Variants in SIM2 observed in about 807,000 individuals in gnomAD.
The protein encoded by SIM2 is single-minded homolog 2.
SIM2 carries 28 observed loss-of-function variants against 64.8 expected under a neutral mutation model. The observed-to-expected ratio is 0.43, with a 90% CI of 0.32 to 0.59. The LOEUF is 0.59. Among genes scored for constraint, SIM2 ranks in the 20% least tolerant of loss-of-function variants. The pLI is 0.07. For missense variants in SIM2, 847 were observed against 871.4 expected (o/e 0.97, Z 0.35); for synonymous variants, 408 against 391.1 (o/e 1.04, Z -0.51).
Position 36,745,136 on chromosome 21 carries a change from G to A in SIM2, c.1576G>A (p.Ala526Thr), listed in dbSNP as rs201126287. The change falls in exon 10 of 11, where the codon GCG (alanine) becomes ACG (threonine). Residue 526 changes from alanine (A) to threonine (T), a missense_variant and splice_region_variant. By Grantham distance (58) the Ala-to-Thr change is moderately conservative. Transcript: ENST00000290399. This position sits in a 1 kb window ranked among gnomAD's most constrained non-coding sequence, Gnocchi z 4.8. The part of the protein sequence containing the change: ...ARHSLVPSYE[A>T]PAAAVRRFGE... Reference sequence around the variant, plus strand: ...GCACAGCCTGGTGCCAAGCTACGAAGGTGGGTCAGGTCTGCTCGTGGGGAA... The same window carrying A: ...GCACAGCCTGGTGCCAAGCTACGAAAGTGGGTCAGGTCTGCTCGTGGGGAA... 2 of 1,607,690 alleles carry A rather than the reference G, an allele frequency of 1.2e-6. No individual in the cohort carries two copies. The highest frequency in any genetic ancestry group is 4.5e-5 in the East Asian group (2 of 44,680).
intron 1 of SIM2, among the ~76,000 whole-genome samples, chr21:36,700,489 T>TC (rs1047640708): frequency 3.3e-5 from 5 of 152,152 alleles, no homozygotes; most frequent in African/African-American, 1.2e-4. Context: ...TTGCTTTCTT[T>TC]CTTTCCCCAT....
chr21:36,738,865 A>G (rs1331817322), intron 7 of SIM2, among the ~76,000 whole-genome samples: 1 of 152,252 alleles, frequency 6.6e-6, no homozygotes, highest in Non-Finnish European at 1.5e-5. Context: ...GCTGAGATGC[A>G]GATGTTAAGC....
chr21:36,745,313 C>T lies in SIM2; in HGVS notation c.1576+177C>T, dbSNP rs963998955. On this transcript the variant is annotated intron_variant, in intron 10 of 10. Transcript: ENST00000290399. The surrounding 1 kb of genome is among the most constrained non-coding windows in gnomAD (Gnocchi z 4.8). ...TCTTGCTCTCAATGCAGGTGCTCCT[C>T]GAGAGTGAGAAATGGCAGTCTGCCT... The T allele has an allele frequency of 1.9e-5, 28 of 1,445,972 alleles. No homozygotes were observed. The highest frequency in any genetic ancestry group is 1.0e-4 in the East Asian group (4 of 39,656). 89.6% of individuals were successfully genotyped at this position (1,445,972 alleles called of 1,614,324 possible). A position where few individuals can be genotyped will look rare whatever the true frequency, so the allele number is the denominator to read the frequency against.
rs780571062 is a variant in SIM2 at position 36,744,857 on chromosome 21, A to C, written c.1297A>C (p.Thr433Pro). The C allele has an allele frequency of 6.2e-7, 1 of 1,614,204 alleles. No individual in the cohort carries two copies. Among genetic ancestry groups the C allele is most frequent in the South Asian group, 1.1e-5 (1 of 91,086 alleles). Residue 433 changes from threonine to proline, a missense_variant, in exon 10 of 11, where the codon ACG (threonine) becomes CCG (proline). This residue lies in a region of SIM2 where 447 missense variants were observed against 414.6 expected (regional missense o/e 1.08). Coordinates refer to ENST00000290399, the MANE Select transcript of SIM2 (RefSeq NM_005069.6). Reference sequence around the variant, plus strand: ...CTCAGAAAGCAGTGACCTTCTGTACACGCCATCCTACAGCCTGCCCTTCTC... The same window carrying C: ...CTCAGAAAGCAGTGACCTTCTGTACCCGCCATCCTACAGCCTGCCCTTCTC... ...PHSESSDLLY[T>P]PSYSLPFSYH...
Position 36,699,700 on chromosome 21 carries a change from C to A in SIM2, c.-47C>A, listed in dbSNP as rs753851125. ...CCGCCGCAGCCCGAGCGGGGCTCCG[C>A]GGGCCTGGAGCACGGCCGGGTCTAA... On this transcript the variant is annotated 5_prime_UTR_variant, in exon 1 of 11. Coordinates refer to ENST00000290399, the MANE Select transcript of SIM2 (RefSeq NM_005069.6). This position sits in a 1 kb window ranked among gnomAD's most constrained non-coding sequence, Gnocchi z 5.6. 4.4e-6 allele frequency: 7 copies of A among 1,582,208 alleles called. No homozygotes were observed. Among genetic ancestry groups the A allele is most frequent in the Non-Finnish European group, 5.1e-6 (6 of 1,165,350 alleles).
chr21:36,702,870 G>T (rs1024320718), intron 1 of SIM2, among the ~76,000 whole-genome samples: 1 of 149,922 alleles, frequency 6.7e-6, no homozygotes, highest in Admixed American at 6.7e-5. Context: ...TCTGCCAAGG[G>T]CGGTCTTGTC....
chr21:36,717,929 TAAATG>T (rs1253715791), intron 3 of SIM2, among the ~76,000 whole-genome samples: 2 of 152,200 alleles, frequency 1.3e-5, no homozygotes, highest in Non-Finnish European at 2.9e-5. Flanking sequence ...TTATTTTTCT[TAAATG>T]AAATCCTGTA....
At chr21:36,704,566 C>A (rs1480416048) in intron 1 of SIM2, among the ~76,000 whole-genome samples, 4 of 152,326 alleles carry the variant, frequency 2.6e-5, no homozygotes, top group African/African-American at 7.2e-5. Flanking sequence ...GCTGCAGATT[C>A]AGCGCGGGGC....
intron 7 of SIM2, among the ~76,000 whole-genome samples, chr21:36,738,864 C>T (rs2089113136): frequency 6.6e-6 from 1 of 152,256 alleles, no homozygotes; most frequent in Admixed American, 6.5e-5. Context: ...GGCTGAGATG[C>T]AGATGTTAAG....
chr21:36,735,107 A>G (rs1298528467), intron 7 of SIM2, among the ~76,000 whole-genome samples: 2 of 152,302 alleles, frequency 1.3e-5, no homozygotes, highest in East Asian at 1.9e-4. Flanking sequence ...CAGTGTCATC[A>G]AGCAGAGGGG....
chr21:36,700,407 C>A (rs2088474518), intron 1 of SIM2, among the ~76,000 whole-genome samples: 1 of 150,150 alleles, frequency 6.7e-6, no homozygotes, highest in Admixed American at 6.7e-5. Flanking sequence ...TCCTTCCTTC[C>A]TTTGCCAATG....
Position 36,743,375 on chromosome 21 carries a change from C to T in SIM2, c.999-12C>T, listed in dbSNP as rs199980367. The T allele has an allele frequency of 1.2e-6, 2 of 1,606,554 alleles. No individual in the cohort carries two copies. The highest frequency in any genetic ancestry group is 1.7e-6 in the Non-Finnish European group (2 of 1,177,084). On this transcript the variant is annotated splice_polypyrimidine_tract_variant and intron_variant, in intron 8 of 10. Coordinates refer to ENST00000290399, the MANE Select transcript of SIM2 (RefSeq NM_005069.6). The stretch of plus-strand genomic sequence containing the variant: ...CCTGCTGGACATGACTCGGCCCACT[C>T]TCGCCTTCCAGGGAGATTGAATACA...
intron 3 of SIM2, 95 bp from the exon 4 acceptor site, chr21:36,719,726 C>A: frequency 1.3e-6 from 1 of 745,526 alleles, no homozygotes; most frequent in Non-Finnish European, 2.5e-6. Flanking sequence ...AAGTTCTGTT[C>A]CTGGCAGGGT....
chr21:36,705,187 G>A (rs1178998118), intron 1 of SIM2, among the ~76,000 whole-genome samples: 2 of 152,212 alleles, frequency 1.3e-5, no homozygotes, highest in African/African-American at 2.4e-5. Context: ...GAGGTCGGGG[G>A]TGGCGGAGCT....
chr21:36,702,018 G>A (rs770568805), intron 1 of SIM2, among the ~76,000 whole-genome samples: 8 of 152,226 alleles, frequency 5.3e-5, no homozygotes, highest in Non-Finnish European at 8.8e-5. Flanking sequence ...GAGAAGACAC[G>A]GCTGCTCAGA....
chr21:36,710,045 C>T (rs994449518), intron 2 of SIM2: 1 of 155,712 alleles, frequency 6.4e-6, no homozygotes, highest in Non-Finnish European at 1.4e-5. Flanking sequence ...CTCCTGACCT[C>T]CGATGATCCG....
rs1261784778 is a variant in SIM2 at position 36,726,144 on chromosome 21, A to G, written c.569A>G (p.Lys190Arg). The G allele has an allele frequency of 1.2e-6, 2 of 1,613,752 alleles. No homozygotes were observed. Among genetic ancestry groups the G allele is most frequent in the African/African-American group, 1.3e-5 (1 of 74,942 alleles). Residue 190 changes from lysine (K) to arginine (R), a missense_variant, in exon 6 of 11, where the codon AAG (lysine) becomes AGG (arginine). Transcript: ENST00000290399. This position sits in a 1 kb window ranked among gnomAD's most constrained non-coding sequence, Gnocchi z 4.5. ...YKVIHCSGYLKIRQYMLDMSL... is the reference protein window; with the variant it reads ...YKVIHCSGYLRIRQYMLDMSL... ...GTCATCCACTGCAGTGGCTACTTGA[A>G]GATCAGGCAGTATATGCTGGACATG...
At chr21:36,708,632 G>T (rs1187814182) in intron 1 of SIM2, among the ~76,000 whole-genome samples, 1 of 152,208 alleles carries the variant, frequency 6.6e-6, no homozygotes, top group African/African-American at 2.4e-5. Flanking sequence ...AAGGGGTAGC[G>T]TGTAGGGGGT....
chr21:36,726,027 T>C lies in SIM2; in HGVS notation c.544-92T>C. 9.7e-7 allele frequency: 1 copy of C among 1,034,992 alleles called. No homozygotes were observed. Among genetic ancestry groups the C allele is most frequent in the South Asian group, 1.4e-5 (1 of 73,118 alleles). The allele number at this position is 1,034,992 out of a possible 1,614,324, so 64.1% of individuals were successfully genotyped here. ...GTGGAGTAGAGGCTGGGCTGGGAGA[T>C]ATTCTAGCATGTTTGAGAAAATGAG... On this transcript the variant is annotated intron_variant, in intron 5 of 10. Transcript: ENST00000290399. This position sits in a 1 kb window ranked among gnomAD's most constrained non-coding sequence, Gnocchi z 4.5.
Sources: allele counts gnomAD v4.1 joint callset (sites outside exome capture counted in the v4.1 genomes callset), GRCh38; gene constraint gnomAD v4.1.1; regional missense constraint gnomAD v4.1.1; non-coding constraint Gnocchi (gnomAD v3.1); transcripts MANE v1.5; gene names NCBI Gene and HGNC (gene_info 2026-07-23, HGNC 2026-07-21).